Variants in KIRREL3 observed in about 807,000 individuals in gnomAD.
The protein encoded by KIRREL3 is kin of IRRE-like protein 3.
A neutral mutation model predicts 89.7 loss-of-function variants in KIRREL3; 36 were observed. The observed-to-expected ratio is 0.40, with a 90% confidence interval of 0.31 to 0.53. The LOEUF (loss-of-function observed/expected upper bound fraction) is 0.53. KIRREL3 is among the 20% of genes least tolerant of loss of function. The probability of loss-of-function intolerance (pLI) is 0.49; values close to 1 mark genes in which losing one functional copy is unlikely to be tolerated. For synonymous variants in KIRREL3, 445 were observed against 441.4 expected (o/e 1.01, Z -0.10); for missense variants, 864 against 1,056.6 (o/e 0.82, Z 2.53).
At chr11:126,923,247 TTCTTCTTCTTCTTCTTCTTCTCCTTCTCC>T (rs1947516576) in intron 1 of KIRREL3, among the ~76,000 whole-genome samples, 3 of 67,372 alleles carry the variant, frequency 4.5e-5, no homozygotes, top group African/African-American at 1.2e-4. Flanking sequence ...CTTCTTCTTC[TTCTTCTTCTTCTTCTTCTTCTCCTTCTCC>T]TTCTCCTTCT....
In KIRREL3 at chr11:126,668,292, A is replaced by T. The variant is rs778974436; in HGVS notation, c.56-105380T>A. Among the ~76,000 whole-genome samples, 11 of 152,170 alleles carry T rather than the reference A, an allele frequency of 7.2e-5. No homozygotes were observed. The highest frequency in any genetic ancestry group is 1.3e-4 in the Non-Finnish European group (9 of 68,026). ...TTTCTTGGACATCTTTCATAAAGGC[A>T]CTAATCCCATTCATGAACTCCGTTT... On this transcript the variant is annotated intron_variant, in intron 1 of 16. Coordinates refer to ENST00000525144, the MANE Select transcript of KIRREL3 (RefSeq NM_032531.4). This position sits in a 1 kb window ranked among gnomAD's most constrained non-coding sequence, Gnocchi z 4.4.
chr11:126,744,739 A>G lies in KIRREL3; in HGVS notation c.56-181827T>C, dbSNP rs1310352620. 6.6e-6 allele frequency among the ~76,000 whole-genome samples: 1 copy of G among 152,124 alleles called. No individual in the cohort carries two copies. Among genetic ancestry groups the G allele is most frequent in the East Asian group, 1.9e-4 (1 of 5,188 alleles). ...CAGTACTCGTATTACTATTCTTTAT[A>G]ATGCTCATGCCAATGTCAATGTTTT... On this transcript the variant is annotated intron_variant, in intron 1 of 16. Transcript: ENST00000525144. The surrounding 1 kb of genome is among the most constrained non-coding windows in gnomAD (Gnocchi z 4.7).
At chr11:126,799,194 G>A (rs1272624582) in intron 1 of KIRREL3, among the ~76,000 whole-genome samples, 7 of 73,002 alleles carry the variant, frequency 9.6e-5, no homozygotes, top group African/African-American at 2.4e-4. Context: ...ATGGGTATCT[G>A]TGTGTGTGCA....
chr11:126,992,062 C>A (rs927462172), intron 1 of KIRREL3, among the ~76,000 whole-genome samples: 1 of 152,164 alleles, frequency 6.6e-6, no homozygotes, highest in Non-Finnish European at 1.5e-5. Flanking sequence ...GTTATCATCA[C>A]CATCATCATC....
rs2134374049 is a variant in KIRREL3 at position 126,795,904 on chromosome 11, C to T, written c.55+204551G>A. 6.6e-6 allele frequency among the ~76,000 whole-genome samples: 1 copy of T among 152,214 alleles called. No homozygotes were observed. Among genetic ancestry groups the T allele is most frequent in the Middle Eastern group, 3.4e-3 (1 of 294 alleles). ...CCGTACTGCCAGGCTCGTCCTCACC[C>T]TGGGTAAAGGCTCATGCAGGCATTG... On this transcript the variant is annotated intron_variant, in intron 1 of 16. Transcript: ENST00000525144. The surrounding 1 kb of genome is among the most constrained non-coding windows in gnomAD (Gnocchi z 4.1).
In KIRREL3 at chr11:126,579,240, A is replaced by G. The variant is rs1941415820; in HGVS notation, c.56-16328T>C. Among the ~76,000 whole-genome samples the G allele has an allele frequency of 6.6e-6, 1 of 152,106 alleles. No homozygotes were observed. ...TCCACCAAGAGCCTTAGGATTTATC[A>G]TGTGGGAGGGTAGTTAGTTCCCAAA... is the stretch of plus-strand genomic sequence containing the variant. On this transcript the variant is annotated intron_variant, in intron 1 of 16. Transcript: ENST00000525144. The surrounding 1 kb of genome is among the most constrained non-coding windows in gnomAD (Gnocchi z 5.3).
In KIRREL3 at chr11:126,526,883, G is replaced by A. The variant is rs1310862152; in HGVS notation, c.134-196C>T. Among the ~76,000 whole-genome samples, 1 of 152,148 alleles carries A rather than the reference G, an allele frequency of 6.6e-6. No individual in the cohort carries two copies. The highest frequency in any genetic ancestry group is 1.5e-5 in the Non-Finnish European group (1 of 68,016). ...CTCTATTCCCTCCTATGGGGGCCTG[G>A]CTCCCAGCTCCAGCCCCTCTGCCCA... On this transcript the variant is annotated intron_variant, in intron 2 of 16. Transcript: ENST00000525144. This position sits in a 1 kb window ranked among gnomAD's most constrained non-coding sequence, Gnocchi z 5.7.
Position 126,629,213 on chromosome 11 carries a change from C to T in KIRREL3, c.56-66301G>A, listed in dbSNP as rs73017226. ...CTGGGTGCTCTTCTTCAGCTGGGCG[C>T]GCTGTGTGGGTTTGACAGGGACTGT... On this transcript the variant is annotated intron_variant, in intron 1 of 16. Transcript: ENST00000525144. Among the ~76,000 whole-genome samples the T allele has an allele frequency of 6.5e-3, 995 of 152,222 alleles. 6 individuals carry two copies. Among genetic ancestry groups the T allele is most frequent in the Admixed American group, 8.0e-3 (122 of 15,286 alleles).
intron 1 of KIRREL3, among the ~76,000 whole-genome samples, chr11:126,986,736 T>A (rs566842550): frequency 6.6e-6 from 1 of 152,344 alleles, no homozygotes; most frequent in East Asian, 1.9e-4. Flanking sequence ...TAAGTTTGGC[T>A]TCTTATGCCC....
chr11:126,571,473 G>A lies in KIRREL3; in HGVS notation c.56-8561C>T, dbSNP rs891194599. ...AGCATCACCAAGTGTCTGCCACCTG[G>A]GACCAGGCTCATGTAGTTCACCATC... On this transcript the variant is annotated intron_variant, in intron 1 of 16. Transcript: ENST00000525144. This position sits in a 1 kb window ranked among gnomAD's most constrained non-coding sequence, Gnocchi z 7.7. 2.0e-5 allele frequency among the ~76,000 whole-genome samples: 3 copies of A among 152,188 alleles called. No homozygotes were observed. Among genetic ancestry groups the A allele is most frequent in the African/African-American group, 7.2e-5 (3 of 41,446 alleles).
At position 126,752,483 on chromosome 11, in the gene KIRREL3, A is replaced by G. The variant is rs888413409; in HGVS notation, c.56-189571T>C. Among the ~76,000 whole-genome samples, 2 of 152,226 alleles carry G rather than the reference A, an allele frequency of 1.3e-5. No individual in the cohort carries two copies. The highest frequency in any genetic ancestry group is 2.9e-5 in the Non-Finnish European group (2 of 68,040). On this transcript the variant is annotated intron_variant, in intron 1 of 16. Coordinates refer to ENST00000525144, the MANE Select transcript of KIRREL3 (RefSeq NM_032531.4). The surrounding 1 kb of genome is among the most constrained non-coding windows in gnomAD (Gnocchi z 4.8). Reference sequence around the variant, plus strand: ...GTGCTAATAATAATAATTGCATAATAGCATTATTCTTACAGCGGAATAAGA... The same window carrying G: ...GTGCTAATAATAATAATTGCATAATGGCATTATTCTTACAGCGGAATAAGA...
At chr11:126,839,781 T>G (rs1943902789) in intron 1 of KIRREL3, among the ~76,000 whole-genome samples, 1 of 152,248 alleles carries the variant, frequency 6.6e-6, no homozygotes, top group South Asian at 2.1e-4. Flanking sequence ...TGTATTACGC[T>G]ACTTATACGC....
intron 1 of KIRREL3, among the ~76,000 whole-genome samples, chr11:126,923,001 A>G (rs893501985): frequency 2.6e-5 from 4 of 152,164 alleles, no homozygotes; most frequent in African/African-American, 9.7e-5. Context: ...TGCACCAAGC[A>G]TTCGTGCCCT....
chr11:126,575,469 G>A lies in KIRREL3; in HGVS notation c.56-12557C>T, dbSNP rs1306527976. Among the ~76,000 whole-genome samples, 2 of 152,208 alleles carry A rather than the reference G, an allele frequency of 1.3e-5. No homozygotes were observed. Among genetic ancestry groups the A allele is most frequent in the African/African-American group, 4.8e-5 (2 of 41,444 alleles). ...ATACTGGGAGGGAAGGGTAAAGAGAGTTGTGTTCCTAAACCCTGTCTAAAT... is the reference window on the plus strand; with the variant it reads ...ATACTGGGAGGGAAGGGTAAAGAGAATTGTGTTCCTAAACCCTGTCTAAAT... On this transcript the variant is annotated intron_variant, in intron 1 of 16. Coordinates refer to ENST00000525144, the MANE Select transcript of KIRREL3 (RefSeq NM_032531.4). The surrounding 1 kb of genome is among the most constrained non-coding windows in gnomAD (Gnocchi z 7.0).
Position 126,566,703 on chromosome 11 carries a change from T to A in KIRREL3, c.56-3791A>T, listed in dbSNP as rs1940547774. Among the ~76,000 whole-genome samples the A allele has an allele frequency of 6.6e-6, 1 of 152,118 alleles. No homozygotes were observed. Among genetic ancestry groups the A allele is most frequent in the African/African-American group, 2.4e-5 (1 of 41,388 alleles). On this transcript the variant is annotated intron_variant, in intron 1 of 16. Transcript: ENST00000525144. The surrounding 1 kb of genome is among the most constrained non-coding windows in gnomAD (Gnocchi z 4.9). Reference sequence around the variant, plus strand: ...ATGGGTTTTCTTCCATTTCAGAGGGTGCAGATGGGATGTTTTCTAGCCTTA... The same window carrying A: ...ATGGGTTTTCTTCCATTTCAGAGGGAGCAGATGGGATGTTTTCTAGCCTTA...
chr11:126,459,403 G>A lies in KIRREL3; in HGVS notation c.743-2949C>T, dbSNP rs1047328395. ...CCTTCCTCTTAGCATCGTCTTTGGT[G>A]ATCACCTGCCCCGAAGCGATTCACA... On this transcript the variant is annotated intron_variant, in intron 6 of 16. Coordinates refer to ENST00000525144, the MANE Select transcript of KIRREL3 (RefSeq NM_032531.4). This position sits in a 1 kb window ranked among gnomAD's most constrained non-coding sequence, Gnocchi z 4.8. 6.6e-6 allele frequency among the ~76,000 whole-genome samples: 1 copy of A among 152,112 alleles called. No individual in the cohort carries two copies. The highest frequency in any genetic ancestry group is 1.5e-5 in the Non-Finnish European group (1 of 68,020).
In KIRREL3 at chr11:126,814,036, G is replaced by T. The variant is rs1951480078; in HGVS notation, c.55+186419C>A. Reference sequence around the variant, plus strand: ...TCAACTGACAAAGGTCTAATATCCAGAGTCTACAAGGAACTTAAATTTACA... The same window carrying T: ...TCAACTGACAAAGGTCTAATATCCATAGTCTACAAGGAACTTAAATTTACA... On this transcript the variant is annotated intron_variant, in intron 1 of 16. Transcript: ENST00000525144. This position sits in a 1 kb window ranked among gnomAD's most constrained non-coding sequence, Gnocchi z 4.4. 6.6e-6 allele frequency among the ~76,000 whole-genome samples: 1 copy of T among 151,996 alleles called. No individual in the cohort carries two copies. Among genetic ancestry groups the T allele is most frequent in the African/African-American group, 2.4e-5 (1 of 41,376 alleles).
At position 126,961,435 on chromosome 11, in the gene KIRREL3, A is replaced by G. The variant is rs1022029177; in HGVS notation, c.55+39020T>C. Among the ~76,000 whole-genome samples, 3 of 152,224 alleles carry G rather than the reference A, an allele frequency of 2.0e-5. No homozygotes were observed. In the South Asian group the frequency reaches 6.2e-4, roughly 32 times the overall value. The stretch of plus-strand genomic sequence containing the variant: ...AAACTTCTGGTGGTCTGTATAGAAG[A>G]TGAAATCAACCACAACATTCTTTTA... On this transcript the variant is annotated intron_variant, in intron 1 of 16. Transcript: ENST00000525144.
rs1949908525 is a variant in KIRREL3 at position 126,987,725 on chromosome 11, T to G, written c.55+12730A>C. Among the ~76,000 whole-genome samples the G allele has an allele frequency of 6.6e-6, 1 of 152,250 alleles. No homozygotes were observed. The highest frequency in any genetic ancestry group is 1.5e-5 in the Non-Finnish European group (1 of 68,052). ...TTGAAGTATTCTATGCAGAGATCTA[T>G]CTTCCTTGCATTCCTCCTCTGTATT... On this transcript the variant is annotated intron_variant, in intron 1 of 16. Transcript: ENST00000525144. This position sits in a 1 kb window ranked among gnomAD's most constrained non-coding sequence, Gnocchi z 4.6.
Sources: allele counts gnomAD v4.1 joint callset (sites outside exome capture counted in the v4.1 genomes callset), GRCh38; gene constraint gnomAD v4.1.1; non-coding constraint Gnocchi (gnomAD v3.1); transcripts MANE v1.5; gene names NCBI Gene and HGNC (gene_info 2026-07-23, HGNC 2026-07-21).